Variants in RALGAPA2 observed in about 807,000 individuals in gnomAD.
The protein encoded by RALGAPA2 is Ral GTPase activating protein catalytic subunit alpha 2.
RALGAPA2 carries 139 observed loss-of-function variants against 230.4 expected under a neutral mutation model. The observed-to-expected ratio is 0.60, with a 90% CI of 0.53 to 0.69. The LOEUF (loss-of-function observed/expected upper bound fraction) is 0.69. Among genes scored for constraint, RALGAPA2 ranks in the 30% least tolerant of loss-of-function variants. The pLI, the probability that RALGAPA2 is intolerant of heterozygous loss-of-function variation, is 0.00. For synonymous variants in RALGAPA2, 847 were observed against 837.8 expected (o/e 1.01, Z -0.19); for missense variants, 2,163 against 2,276.0 (o/e 0.95, Z 1.01).
At chr20:20,603,775 A>G (rs1164023587) in intron 15 of RALGAPA2, among the ~76,000 whole-genome samples, 1 of 152,238 alleles carries the variant, frequency 6.6e-6, no homozygotes, top group African/African-American at 2.4e-5. Context: ...CAACTCATCA[A>G]ATCAAGATAA....
intron 18 of RALGAPA2, among the ~76,000 whole-genome samples, chr20:20,585,344 C>T (rs1002504961): frequency 3.3e-5 from 5 of 152,044 alleles, no homozygotes; most frequent in Admixed American, 6.5e-5. Flanking sequence ...GTAGGGAAGG[C>T]GCAAACTCCA....
At chr20:20,467,562 CATTG>C (rs151295621) in intron 37 of RALGAPA2, among the ~76,000 whole-genome samples, 2,153 of 152,072 alleles carry the variant, frequency 0.014, 27 homozygotes, top group African/African-American at 0.04. Context: ...GTGCAAGAGC[CATTG>C]ATTGATTGAT....
At chr20:20,530,699 G>A (rs2063346348) in intron 27 of RALGAPA2, among the ~76,000 whole-genome samples, 1 of 152,232 alleles carries the variant, frequency 6.6e-6, no homozygotes. Flanking sequence ...GCATGCAGCA[G>A]CCTGAATGCT....
intron 16 of RALGAPA2, among the ~76,000 whole-genome samples, chr20:20,592,788 G>A (rs1002380641): frequency 6.6e-6 from 1 of 152,138 alleles, no homozygotes; most frequent in Non-Finnish European, 1.5e-5. Context: ...TATGTTGGAA[G>A]ATTCTACATT....
chr20:20,546,835 A>G lies in RALGAPA2; in HGVS notation c.3157-3T>C. On this transcript the variant is annotated splice_region_variant and splice_polypyrimidine_tract_variant and intron_variant, in intron 23 of 39. Transcript: ENST00000202677. ...CTTATGATCGTATTTAAGATATCCT[A>G]AAAGGGAAGATAAGAAAAAACACAA... The G allele has an allele frequency of 6.4e-7, 1 of 1,571,278 alleles. No homozygotes were observed. Among genetic ancestry groups the G allele is most frequent in the Non-Finnish European group, 8.6e-7 (1 of 1,166,004 alleles).
rs75097447 is a variant in RALGAPA2, at chr20:20,596,581, T to G, written c.2203+5101A>C. On this transcript the variant is annotated intron_variant, in intron 16 of 39. Transcript: ENST00000202677. ...TTGATAGGACAGTCATAAAGGACAATGGCAACATTTTAAGTAGTAAAGAAC... is the reference window on the plus strand; with the variant it reads ...TTGATAGGACAGTCATAAAGGACAAGGGCAACATTTTAAGTAGTAAAGAAC... 3.5e-4 allele frequency among the ~76,000 whole-genome samples: 53 copies of G among 152,268 alleles called. No individual in the cohort carries two copies. In the East Asian group the frequency reaches 8.7e-3, roughly 25 times the overall value.
intron 37 of RALGAPA2, among the ~76,000 whole-genome samples, chr20:20,442,381 G>T (rs1157505981): frequency 6.6e-6 from 1 of 152,222 alleles, no homozygotes; most frequent in African/African-American, 2.4e-5. Context: ...TGTCGTCTTA[G>T]CCTAATTCAA....
chr20:20,492,636 G>A (rs770143693), intron 36 of RALGAPA2, among the ~76,000 whole-genome samples: 8 of 152,142 alleles, frequency 5.3e-5, no homozygotes, highest in South Asian at 2.1e-4. Context: ...CAGGGAGCCC[G>A]CAGCATGTCC....
chr20:20,396,854 G>T, intron 38 of RALGAPA2, 120 bp from the exon 39 acceptor site: 1 of 830,592 alleles, frequency 1.2e-6, no homozygotes. Flanking sequence ...CATTTCTGCA[G>T]CCTTGTCAAT....
At chr20:20,444,631 A>G (rs1344594477) in intron 37 of RALGAPA2, among the ~76,000 whole-genome samples, 2 of 152,222 alleles carry the variant, frequency 1.3e-5, no homozygotes, top group African/African-American at 4.8e-5. Flanking sequence ...ACTGCAGATT[A>G]GCCTAGCAAA....
chr20:20,669,605 T>C (rs2068068138), intron 3 of RALGAPA2, among the ~76,000 whole-genome samples: 1 of 152,152 alleles, frequency 6.6e-6, no homozygotes, highest in African/African-American at 2.4e-5. Context: ...CCTATGTAGT[T>C]TACTTACCTG....
rs1167244512 is a variant in RALGAPA2 at position 20,392,254 on chromosome 20, G to A, written c.*1035C>T. 2 of 152,248 alleles carry A rather than the reference G, an allele frequency of 1.3e-5. No individual in the cohort carries two copies. The highest frequency in any genetic ancestry group is 2.1e-4 in the South Asian group (1 of 4,832). The allele number at this position is 152,248 out of a possible 1,614,324, so 9.4% of individuals were successfully genotyped here. ...TCCTTGGAGCCAAATGGGCAAAAATGTAAGGATTAAATCCCTCGCTTGGAA... is the reference window on the plus strand; with the variant it reads ...TCCTTGGAGCCAAATGGGCAAAAATATAAGGATTAAATCCCTCGCTTGGAA... On this transcript the variant is annotated 3_prime_UTR_variant, in exon 40 of 40. Transcript: ENST00000202677.
intron 24 of RALGAPA2, among the ~76,000 whole-genome samples, chr20:20,544,200 T>C (rs538730554): frequency 3.5e-4 from 53 of 151,906 alleles, no homozygotes; most frequent in Admixed American, 1.6e-3. Flanking sequence ...GGCAAGAGGA[T>C]CACGAGATCA....
chr20:20,534,652 C>G (rs1280991687), intron 26 of RALGAPA2, among the ~76,000 whole-genome samples: 4 of 151,780 alleles, frequency 2.6e-5, no homozygotes, highest in Admixed American at 2.0e-4. Flanking sequence ...AAATATTAGA[C>G]CTAGGTAGTT....
In RALGAPA2 at chr20:20,692,026, T is replaced by G. The variant is rs556088234; in HGVS notation, c.107-11225A>C. ...CTCTCTCTTATCATGTGACGCCCAC[T>G]CCCCTTTGCCTTCTACCATGAATGG... On this transcript the variant is annotated intron_variant, in intron 1 of 39. Coordinates refer to ENST00000202677, the MANE Select transcript of RALGAPA2 (RefSeq NM_020343.4). 4.6e-5 allele frequency among the ~76,000 whole-genome samples: 7 copies of G among 152,242 alleles called. No individual in the cohort carries two copies. In the East Asian group the frequency reaches 1.4e-3, roughly 29 times the overall value.
chr20:20,535,736 A>C lies in RALGAPA2; in HGVS notation c.3473+9T>G. The C allele has an allele frequency of 3.9e-6, 6 of 1,545,810 alleles. No individual in the cohort carries two copies. The highest frequency in any genetic ancestry group is 5.2e-6 in the Non-Finnish European group (6 of 1,144,922). ...TTCTAAAATAGTTTACCTCTTATTC[A>C]ACATTTACCTTGCATATTCATTTGG... On this transcript the variant is annotated intron_variant, in intron 26 of 39. Coordinates refer to ENST00000202677, the MANE Select transcript of RALGAPA2 (RefSeq NM_020343.4).
chr20:20,472,412 G>T (rs2061559529), intron 37 of RALGAPA2: 1 of 152,984 alleles, frequency 6.5e-6, no homozygotes, highest in Non-Finnish European at 1.5e-5. Context: ...GATTTATTAG[G>T]GTCATTTCAT....
intron 37 of RALGAPA2, among the ~76,000 whole-genome samples, chr20:20,442,343 T>C (rs772365867): frequency 6.6e-6 from 1 of 152,248 alleles, no homozygotes; most frequent in African/African-American, 2.4e-5. Flanking sequence ...CACTTTCAGA[T>C]GCCATGAGGC....
chr20:20,544,491 T>C (rs2063729916), intron 24 of RALGAPA2, among the ~76,000 whole-genome samples: 1 of 152,114 alleles, frequency 6.6e-6, no homozygotes, highest in South Asian at 2.1e-4. Context: ...AGAAATACCA[T>C]TTGACCCAGC....
Sources: gnomAD v4.1 joint callset for allele counts (sites outside exome capture counted in the v4.1 genomes callset) on GRCh38, gnomAD v4.1.1 for gene constraint, MANE v1.5 for transcripts, NCBI Gene and HGNC (gene_info 2026-07-23, HGNC 2026-07-21) for gene names.